USP24: variants seen among roughly 807,000 people sequenced by gnomAD.
The protein encoded by USP24 is ubiquitin specific peptidase 24, also known as ubiquitin carboxyl-terminal hydrolase 24.
A neutral mutation model predicts 361.6 loss-of-function variants in USP24; 97 were observed. The observed-to-expected ratio is 0.27, with a 90% CI of 0.23 to 0.32. The LOEUF (loss-of-function observed/expected upper bound fraction) is 0.32. USP24 is among the 10% of genes least tolerant of loss of function. The pLI, the probability that USP24 is intolerant of heterozygous loss-of-function variation, is 1.00. For missense variants in USP24, 2,353 were observed against 3,165.6 expected (o/e 0.74, Z 6.16); for synonymous variants, 1,098 against 1,124.6 (o/e 0.98, Z 0.47).
chr1:55,161,045 C>T lies in USP24; in HGVS notation c.993+1154G>A, dbSNP rs183417111. Among the ~76,000 whole-genome samples, 160 of 152,110 alleles carry T rather than the reference C, an allele frequency of 1.1e-3. 1 individual carries two copies. The highest frequency in any genetic ancestry group is 1.5e-3 in the Non-Finnish European group (99 of 67,996). On this transcript the variant is annotated intron_variant, in intron 8 of 67. Transcript: ENST00000294383. ...TTCACCTAAAACTCTTGCAGGATTACCTTGACATCTAAAGAAAGCATTTAA... is the reference window on the plus strand; with the variant it reads ...TTCACCTAAAACTCTTGCAGGATTATCTTGACATCTAAAGAAAGCATTTAA...
chr1:55,176,225 C>T (rs1271258802), intron 3 of USP24, 151 bp downstream of exon 3: 19 of 530,990 alleles, frequency 3.6e-5, no homozygotes, highest in Non-Finnish European at 5.8e-5. Context: ...TTCAGAGTTC[C>T]GTTTTTCATA....
At chr1:55,174,684 G>C (rs1235671851) in intron 3 of USP24, among the ~76,000 whole-genome samples, 6 of 152,230 alleles carry the variant, frequency 3.9e-5, no homozygotes, top group African/African-American at 1.4e-4. Flanking sequence ...CCTCAACCTT[G>C]AATAAGTCCT....
chr1:55,168,419 A>C (rs937870994), intron 5 of USP24, among the ~76,000 whole-genome samples: 3 of 143,712 alleles, frequency 2.1e-5, no homozygotes, highest in Non-Finnish European at 3.0e-5. Flanking sequence ...TTGAGTTGAC[A>C]AAAAAAAAAA....
At chr1:55,187,868 T>C (rs973607834) in intron 1 of USP24, among the ~76,000 whole-genome samples, 4 of 152,184 alleles carry the variant, frequency 2.6e-5, no homozygotes, top group African/African-American at 7.2e-5. Context: ...GGTCTACAAA[T>C]TGAACACAAT....
chr1:55,140,313 G>T (rs1008819309), intron 24 of USP24, among the ~76,000 whole-genome samples: 6 of 152,048 alleles, frequency 3.9e-5, no homozygotes, highest in South Asian at 2.1e-4. Context: ...GAATTTATCA[G>T]ATAAATGAAC....
chr1:55,195,671 T>A (rs778413048), intron 1 of USP24, among the ~76,000 whole-genome samples: 3 of 152,196 alleles, frequency 2.0e-5, no homozygotes, highest in African/African-American at 7.2e-5. Context: ...GAGGACATCA[T>A]GCTTAGTGAA....
At chr1:55,069,872 C>CAAAAAAAAAA (rs11365818) in intron 67 of USP24, among the ~76,000 whole-genome samples, 1 of 35,658 alleles carries the variant, frequency 2.8e-5, no homozygotes, top group Non-Finnish European at 4.5e-5. Context: ...CACTCCATCT[C>CAAAAAAAAAA]AAAAAAAAAA....
intron 24 of USP24, among the ~76,000 whole-genome samples, chr1:55,140,374 G>T (rs896765593): frequency 2.1e-4 from 32 of 152,024 alleles, no homozygotes; most frequent in Admixed American, 2.1e-3. Flanking sequence ...ACACATAATT[G>T]GGAATTCTTA....
chr1:55,135,309 C>A (rs1243839314), intron 28 of USP24, among the ~76,000 whole-genome samples: 2 of 152,082 alleles, frequency 1.3e-5, no homozygotes, highest in Non-Finnish European at 2.9e-5. Context: ...ACTCTGACAA[C>A]CCCACAATAC....
At chr1:55,155,284 T>C (rs1647521943) in intron 12 of USP24, among the ~76,000 whole-genome samples, 4 of 152,222 alleles carry the variant, frequency 2.6e-5, no homozygotes, top group Admixed American at 2.6e-4. Context: ...ATAGACCCTA[T>C]TGTCAACCTT....
At chr1:55,205,521 T>TA (rs111654267) in intron 1 of USP24, among the ~76,000 whole-genome samples, 26,414 of 152,126 alleles carry the variant, frequency 0.17, 2,388 homozygotes, top group Non-Finnish European at 0.19. Context: ...ATTCTAGATT[T>TA]AAAAAAATAG....
Position 55,101,627 on chromosome 1 carries a change from T to C in USP24, c.5102A>G (p.Asn1701Ser), listed in dbSNP as rs371619853. Residue 1701 changes from asparagine (N) to serine (S), a missense_variant, in exon 43 of 68, where the codon AAT becomes AGT. Coordinates refer to ENST00000294383, the MANE Select transcript of USP24 (RefSeq NM_015306.3). ...CATATACAGCTGCTGGAAGACTGCATTCATATAACAAGTTGCACCACCATT... is the reference window on the plus strand; with the variant it reads ...CATATACAGCTGCTGGAAGACTGCACTCATATAACAAGTTGCACCACCATT... Reference protein sequence around the residue: ...LRNGGATCYMNAVFQQLYMQP... With the variant: ...LRNGGATCYMSAVFQQLYMQP... 1.2e-5 allele frequency: 20 copies of C among 1,613,114 alleles called. No individual in the cohort carries two copies. Among genetic ancestry groups the C allele is most frequent in the Non-Finnish European group, 1.7e-5 (20 of 1,179,644 alleles).
chr1:55,154,308 A>G, intron 14 of USP24, 28 bp from the exon 15 acceptor site: 1 of 1,588,256 alleles, frequency 6.3e-7, no homozygotes, highest in Non-Finnish European at 8.6e-7. Context: ...ATGATCAGCC[A>G]GCCAATATGC....
chr1:55,087,082 T>C (rs1351377185), intron 55 of USP24, among the ~76,000 whole-genome samples: 1 of 152,226 alleles, frequency 6.6e-6, no homozygotes, highest in African/African-American at 2.4e-5. Flanking sequence ...TAAAAGACAA[T>C]ATCTCTTCAT....
At chr1:55,103,639 T>C (rs2100518490) in intron 42 of USP24, among the ~76,000 whole-genome samples, 1 of 152,320 alleles carries the variant, frequency 6.6e-6, no homozygotes, top group Non-Finnish European at 1.5e-5. Flanking sequence ...TGAGAATAAC[T>C]ACCAAGCAAC....
chr1:55,178,792 G>T (rs1650275145), intron 1 of USP24, among the ~76,000 whole-genome samples: 1 of 152,142 alleles, frequency 6.6e-6, no homozygotes, highest in African/African-American at 2.4e-5. Flanking sequence ...TTGGGAGGCT[G>T]AGGTGGGAGG....
chr1:55,113,392 AGCC>A (rs1300134407), intron 38 of USP24, among the ~76,000 whole-genome samples: 2 of 152,228 alleles, frequency 1.3e-5, no homozygotes, highest in Non-Finnish European at 2.9e-5. Flanking sequence ...AGTAATTAAT[AGCC>A]TACCAACCAA....
intron 5 of USP24, among the ~76,000 whole-genome samples, chr1:55,170,227 G>C (rs920140896): frequency 6.6e-6 from 1 of 151,728 alleles, no homozygotes; most frequent in Admixed American, 6.6e-5. Context: ...GCTGAAGGAG[G>C]AATATGCTTG....
intron 60 of USP24, 137 bp downstream of exon 60, chr1:55,079,401 T>C: frequency 8.0e-7 from 1 of 1,246,032 alleles, no homozygotes; most frequent in Non-Finnish European, 1.1e-6. Context: ...TAATTATTTC[T>C]TTTTGACATA....
Sources: gnomAD v4.1 joint callset for allele counts (sites outside exome capture counted in the v4.1 genomes callset) on GRCh38, gnomAD v4.1.1 for gene constraint, MANE v1.5 for transcripts, NCBI Gene and HGNC (gene_info 2026-07-23, HGNC 2026-07-21) for gene names.